The following SPATS2L variants were observed in gnomAD, a reference collection of about 807,000 sequenced individuals.
The protein encoded by SPATS2L is spermatogenesis associated serine rich 2 like, also known as SPATS2-like protein.
A neutral mutation model predicts 59.6 loss-of-function variants in SPATS2L; 30 were observed. The observed-to-expected ratio is 0.50, with a 90% CI of 0.38 to 0.68. SPATS2L has a LOEUF of 0.68. SPATS2L is among the 30% of genes least tolerant of loss of function. The pLI, the probability that SPATS2L is intolerant of heterozygous loss-of-function variation, is 0.00. For synonymous variants in SPATS2L, 252 were observed against 263.5 expected (o/e 0.96, Z 0.42); for missense variants, 615 against 700.0 (o/e 0.88, Z 1.37).
chr2:200,400,071 A>G (rs1341552172), intron 3 of SPATS2L, among the ~76,000 whole-genome samples: 1 of 152,198 alleles, frequency 6.6e-6, no homozygotes, highest in Non-Finnish European at 1.5e-5. Context: ...TGAATATTCT[A>G]AGTTAGAAGC....
intron 10 of SPATS2L, 82 bp from the exon 11 acceptor site, chr2:200,469,832 A>G: frequency 9.7e-7 from 1 of 1,035,900 alleles, no homozygotes; most frequent in Non-Finnish European, 1.4e-6. Context: ...GGACACCGGA[A>G]GAGCAGAGTG....
intron 1 of SPATS2L, among the ~76,000 whole-genome samples, chr2:200,321,991 A>G (rs957073585): frequency 6.6e-6 from 1 of 152,224 alleles, no homozygotes; most frequent in African/African-American, 2.4e-5. Context: ...CATGTAGTTC[A>G]TGCCTATCTT....
intron 3 of SPATS2L, among the ~76,000 whole-genome samples, chr2:200,411,671 A>C (rs1426332184): frequency 2.0e-5 from 3 of 152,254 alleles, no homozygotes; most frequent in African/African-American, 7.2e-5. Flanking sequence ...TAAACGTTGA[A>C]TATAAGCTTT....
intron 6 of SPATS2L, among the ~76,000 whole-genome samples, chr2:200,426,159 C>G (rs904585499): frequency 7.7e-6 from 1 of 129,040 alleles, no homozygotes. Context: ...GGCGCGATCT[C>G]AGCTCACTGC....
At chr2:200,426,886 C>A (rs148550829) in intron 6 of SPATS2L, among the ~76,000 whole-genome samples, 134 of 152,272 alleles carry the variant, frequency 8.8e-4, no homozygotes, top group Admixed American at 2.4e-3. Context: ...TTTGCAGTGA[C>A]TTAGAGCTCT....
At position 200,329,460 on chromosome 2, in the gene SPATS2L, A is replaced by G; in HGVS notation, c.-43A>G. On this transcript the variant is annotated 5_prime_UTR_variant, in exon 2 of 13. Transcript: ENST00000409140. ...CTTCAGAAACCAGGCTGCTTTCAGG[A>G]ACATTGCTGTGGATTCCCAGGTGAG... is the stretch of plus-strand genomic sequence containing the variant. The G allele has an allele frequency of 6.4e-7, 1 of 1,550,576 alleles. No homozygotes were observed. The highest frequency in any genetic ancestry group is 8.7e-7 in the Non-Finnish European group (1 of 1,146,982).
Position 200,481,312 on chromosome 2 carries a change from T to C in SPATS2L, c.*3281T>C, listed in dbSNP as rs2087768945. 6.6e-6 allele frequency: 1 copy of C among 152,222 alleles called. No individual in the cohort carries two copies. The highest frequency in any genetic ancestry group is 1.5e-5 in the Non-Finnish European group (1 of 68,038). The allele number at this position is 152,222 out of a possible 1,614,324, so 9.4% of individuals were successfully genotyped here. On this transcript the variant is annotated 3_prime_UTR_variant, in exon 13 of 13. Transcript: ENST00000409140. The stretch of plus-strand genomic sequence containing the variant: ...CATCAAATGAGGTTAATGGGAAACG[T>C]TACCAGATTAAAAGCAGTTTTTTGA...
chr2:200,408,129 G>A (rs766432556), intron 3 of SPATS2L, among the ~76,000 whole-genome samples: 1 of 152,108 alleles, frequency 6.6e-6, no homozygotes, highest in Non-Finnish European at 1.5e-5. Context: ...CCTCTGGCAG[G>A]GGGTATGGAG....
intron 6 of SPATS2L, among the ~76,000 whole-genome samples, chr2:200,427,689 AT>A (rs937995724): frequency 1.3e-5 from 2 of 152,080 alleles, no homozygotes; most frequent in African/African-American, 4.8e-5. Context: ...GTATATCTGT[AT>A]TTGATAAAGA....
intron 2 of SPATS2L, among the ~76,000 whole-genome samples, chr2:200,339,052 A>G (rs2080236824): frequency 6.6e-6 from 1 of 152,232 alleles, no homozygotes; most frequent in African/African-American, 2.4e-5. Context: ...ATGCCGAACG[A>G]TGTCAGTCAG....
chr2:200,329,512 C>T lies in SPATS2L; in HGVS notation c.-23+32C>T, dbSNP rs377258460. On this transcript the variant is annotated intron_variant, in intron 2 of 12. Transcript: ENST00000409140. The stretch of plus-strand genomic sequence containing the variant: ...AGAGATGGTCCTTCCCTCTCTGTGA[C>T]CTCCTCCTGCTGCCATGGCCAGCTG... The T allele has an allele frequency of 1.0e-5, 16 of 1,535,750 alleles. No individual in the cohort carries two copies. The African/African-American group carries it at 1.1e-4, about 11-fold the overall frequency.
At position 200,456,930 on chromosome 2, in the gene SPATS2L, A is replaced by G. The variant is rs1040426354; in HGVS notation, c.789-2839A>G. Among the ~76,000 whole-genome samples the G allele has an allele frequency of 7.0e-4, 106 of 151,864 alleles. 1 individual carries two copies. The highest frequency in any genetic ancestry group is 2.5e-3 in the African/African-American group (104 of 41,396). On this transcript the variant is annotated intron_variant, in intron 8 of 12. Coordinates refer to ENST00000409140, the MANE Select transcript of SPATS2L (RefSeq NM_001100423.2). ...CTTTCCTCTCTATCTGCTTTTCACTATTTCCCCAATGAGTCCTGGCAGGTC... is the reference window on the plus strand; with the variant it reads ...CTTTCCTCTCTATCTGCTTTTCACTGTTTCCCCAATGAGTCCTGGCAGGTC...
intron 1 of SPATS2L, among the ~76,000 whole-genome samples, chr2:200,328,577 C>T (rs911084101): frequency 1.1e-4 from 16 of 152,130 alleles, no homozygotes; most frequent in East Asian, 1.9e-4. Flanking sequence ...CCTGAGGCCC[C>T]GTCCCCTTCT....
chr2:200,383,040 G>A (rs575662165), intron 2 of SPATS2L, among the ~76,000 whole-genome samples: 100 of 152,194 alleles, frequency 6.6e-4, no homozygotes, highest in African/African-American at 2.1e-3. Context: ...GCTAGTGCAC[G>A]TCCGAATACC....
At chr2:200,387,730 G>A (rs1437489370) in intron 2 of SPATS2L, among the ~76,000 whole-genome samples, 2 of 152,218 alleles carry the variant, frequency 1.3e-5, no homozygotes, top group Non-Finnish European at 2.9e-5. Flanking sequence ...AAGTGTTTCA[G>A]TGGTTCTTGA....
At chr2:200,352,573 G>C (rs2080778330) in intron 2 of SPATS2L, among the ~76,000 whole-genome samples, 1 of 151,782 alleles carries the variant, frequency 6.6e-6, no homozygotes. Context: ...ATGGCAGGGG[G>C]CCTTAGCCTC....
chr2:200,310,529 G>T (rs1477850197), intron 1 of SPATS2L, among the ~76,000 whole-genome samples: 1 of 152,052 alleles, frequency 6.6e-6, no homozygotes, highest in Non-Finnish European at 1.5e-5. Context: ...CACTTCCACC[G>T]TATCAACCTT....
intron 3 of SPATS2L, among the ~76,000 whole-genome samples, chr2:200,401,770 T>G (rs2082536423): frequency 6.6e-6 from 1 of 152,144 alleles, no homozygotes; most frequent in Admixed American, 6.5e-5. Context: ...TTTAGCTATG[T>G]TTTGAAAATT....
intron 2 of SPATS2L, among the ~76,000 whole-genome samples, chr2:200,377,365 A>G (rs561588006): frequency 2.0e-5 from 3 of 152,310 alleles, no homozygotes; most frequent in Admixed American, 2.0e-4. Context: ...TTAAGGGCCC[A>G]AGATCCTGTG....
Sources: gnomAD v4.1 joint callset for allele counts (sites outside exome capture counted in the v4.1 genomes callset) on GRCh38, gnomAD v4.1.1 for gene constraint, MANE v1.5 for transcripts, NCBI Gene and HGNC (gene_info 2026-07-23, HGNC 2026-07-21) for gene names.